Variants in DDC observed in about 807,000 individuals in gnomAD.
DDC encodes dopa decarboxylase.
Under a neutral mutation model 60.0 loss-of-function variants are expected in DDC, and 43 were observed. The ratio of observed to expected loss-of-function variants is 0.72; its 90% CI spans 0.56 to 0.92. The LOEUF (loss-of-function observed/expected upper bound fraction) is 0.92, where lower values mean the gene tolerates loss of function less well. Among genes scored for constraint, DDC ranks in the 40% least tolerant of loss-of-function variants. The pLI, the probability that DDC is intolerant of heterozygous loss-of-function variation, is 0.00. For synonymous variants in DDC, 232 were observed against 234.6 expected, an observed-to-expected ratio of 0.99 and a Z score of 0.10; for missense variants, 573 against 620.2, an observed-to-expected ratio of 0.92 and a Z score of 0.81.
chr7:50,530,442 ATTC>A (rs1369507562), intron 4 of DDC, among the ~76,000 whole-genome samples: 1 of 152,120 alleles, frequency 6.6e-6, no homozygotes, highest in Non-Finnish European at 1.5e-5. Flanking sequence ...GAGAAAAGAA[ATTC>A]TTCTTCGATC....
At chr7:50,518,654 A>G (rs933707352) in intron 6 of DDC, among the ~76,000 whole-genome samples, 1 of 152,224 alleles carries the variant, frequency 6.6e-6, no homozygotes, top group Non-Finnish European at 1.5e-5. Flanking sequence ...CACCCTTTTC[A>G]ACTAATGTTG....
At chr7:50,544,787 A>C (rs1415121595) in intron 1 of DDC, among the ~76,000 whole-genome samples, 1 of 152,244 alleles carries the variant, frequency 6.6e-6, no homozygotes, top group African/African-American at 2.4e-5. Flanking sequence ...ACTCTGAATT[A>C]GTGAATACTG....
rs568229528 is a variant in DDC, at chr7:50,483,014, T to A, written c.945-3151A>T. ...GTTTACTTCTTTATCTTTTTTTTTT[T>A]AAATTATTATGGAGGTTAGGAAAGT... On this transcript the variant is annotated intron_variant, in intron 9 of 14. Transcript: ENST00000444124. Among the ~76,000 whole-genome samples the A allele has an allele frequency of 6.7e-4, 101 of 150,682 alleles. 1 individual carries two copies. Among genetic ancestry groups the A allele is most frequent in the Middle Eastern group, 3.4e-3 (1 of 292 alleles).
intron 8 of DDC, 119 bp from the exon 9 acceptor site, chr7:50,495,536 C>T: frequency 1.2e-6 from 1 of 823,124 alleles, no homozygotes; most frequent in South Asian, 1.5e-5. Context: ...GTGGTAGGGG[C>T]CAGGTAGGGT....
chr7:50,543,784 C>T, intron 2 of DDC, 101 bp downstream of exon 2: 1 of 1,173,134 alleles, frequency 8.5e-7, no homozygotes, highest in Non-Finnish European at 1.3e-6. Flanking sequence ...ACCTGACTGC[C>T]ATAGGGATTC....
At chr7:50,477,741 A>G in intron 10 of DDC, 1 of 327,148 alleles carries the variant, frequency 3.1e-6, no homozygotes, top group South Asian at 2.3e-5. Context: ...CATACAGCCT[A>G]TCTCAACCCA....
chr7:50,523,214 A>C (rs1368392891), intron 6 of DDC, among the ~76,000 whole-genome samples: 1 of 152,214 alleles, frequency 6.6e-6, no homozygotes, highest in Non-Finnish European at 1.5e-5. Flanking sequence ...AAAACTATAA[A>C]TTTCCGAGAA....
At chr7:50,471,817 A>G (rs1585143724) in intron 11 of DDC, among the ~76,000 whole-genome samples, 1 of 152,056 alleles carries the variant, frequency 6.6e-6, no homozygotes, top group African/African-American at 2.4e-5. Context: ...TAAAAGAAGA[A>G]CCCCTTATCC....
At chr7:50,554,977 G>A (rs2045131707) in intron 1 of DDC, among the ~76,000 whole-genome samples, 1 of 152,172 alleles carries the variant, frequency 6.6e-6, no homozygotes, top group South Asian at 2.1e-4. Flanking sequence ...AGGCTTATTA[G>A]CTGGGTGACC....
intron 11 of DDC, among the ~76,000 whole-genome samples, chr7:50,473,106 T>G (rs2042569169): frequency 6.6e-6 from 1 of 151,730 alleles, no homozygotes; most frequent in South Asian, 2.1e-4. Context: ...GGGAAAGAGG[T>G]CACTGCATTG....
intron 6 of DDC, 116 bp from the exon 7 acceptor site, chr7:50,504,175 A>G (rs1056538303): frequency 6.8e-5 from 51 of 753,966 alleles, no homozygotes; most frequent in Middle Eastern, 6.4e-4. Context: ...CGAGATCCCA[A>G]TGAATGTCTG....
chr7:50,523,637 T>C (rs1355208858), intron 6 of DDC, among the ~76,000 whole-genome samples: 2 of 152,124 alleles, frequency 1.3e-5, no homozygotes, highest in Non-Finnish European at 2.9e-5. Context: ...ACACATCTAT[T>C]AGAATGGATA....
At chr7:50,510,668 CA>C (rs71018473) in intron 6 of DDC, among the ~76,000 whole-genome samples, 44,350 of 99,364 alleles carry the variant, frequency 0.45, 7,844 homozygotes, top group Non-Finnish European at 0.48. Context: ...GACTCCATCT[CA>C]AAAAAAAAAA....
At chr7:50,487,485 A>AT (rs1415050052) in intron 9 of DDC, among the ~76,000 whole-genome samples, 1 of 152,118 alleles carries the variant, frequency 6.6e-6, no homozygotes, top group Non-Finnish European at 1.5e-5. Context: ...TGGTGTTGAG[A>AT]TAAAAACCAC....
At chr7:50,509,059 A>G (rs1299008656) in intron 6 of DDC, among the ~76,000 whole-genome samples, 3 of 152,032 alleles carry the variant, frequency 2.0e-5, no homozygotes, top group Non-Finnish European at 4.4e-5. Context: ...CCCTCTACCC[A>G]TGTATATATG....
At chr7:50,511,636 G>T (rs1238589413) in intron 6 of DDC, among the ~76,000 whole-genome samples, 1 of 152,246 alleles carries the variant, frequency 6.6e-6, no homozygotes, top group African/African-American at 2.4e-5. Context: ...GGCTGGGGCA[G>T]GAGAATTGCT....
chr7:50,499,019 T>A, intron 8 of DDC, 129 bp downstream of exon 8: 1 of 768,136 alleles, frequency 1.3e-6, no homozygotes, highest in South Asian at 1.5e-5. Flanking sequence ...GAAGTCGGAA[T>A]TGGTTCAAAC....
At chr7:50,514,902 G>A (rs1585214066) in intron 6 of DDC, among the ~76,000 whole-genome samples, 1 of 152,184 alleles carries the variant, frequency 6.6e-6, no homozygotes, top group Admixed American at 6.5e-5. Flanking sequence ...TATGAACAAA[G>A]CCTCCAAGAA....
At chr7:50,532,747 GA>G (rs1585244347) in intron 4 of DDC, among the ~76,000 whole-genome samples, 2 of 152,154 alleles carry the variant, frequency 1.3e-5, no homozygotes, top group East Asian at 1.9e-4. Context: ...GGATTGATAA[GA>G]TTTTTTTGAG....
Sources: gnomAD v4.1 joint callset for allele counts (sites outside exome capture counted in the v4.1 genomes callset) on GRCh38, gnomAD v4.1.1 for gene constraint, MANE v1.5 for transcripts, NCBI Gene and HGNC (gene_info 2026-07-23, HGNC 2026-07-21) for gene names.